The following DGKB variants were observed in gnomAD, a reference collection of about 807,000 sequenced individuals.
The protein encoded by DGKB is 90 kDa diacylglycerol kinase.
DGKB carries 67 observed loss-of-function variants against 114.3 expected under a neutral mutation model. The observed-to-expected ratio is 0.59, with a 90% CI of 0.48 to 0.72. The LOEUF is 0.72. Ranked by LOEUF, DGKB falls within the 30% of genes least tolerant of loss-of-function variation. The pLI, the probability that DGKB is intolerant of heterozygous loss-of-function variation, is 0.00. For missense variants in DGKB, 907 were observed against 975.2 expected, an observed-to-expected ratio of 0.93 and a Z score of 0.93; for synonymous variants, 398 against 323.1, an observed-to-expected ratio of 1.23 and a Z score of -2.49.
intron 20 of DGKB, among the ~76,000 whole-genome samples, chr7:14,526,728 A>G (rs1346286927): frequency 6.6e-6 from 1 of 152,152 alleles, no homozygotes; most frequent in African/African-American, 2.4e-5. Flanking sequence ...CATCAGACTG[A>G]TTTTGATCTG....
intron 21 of DGKB, among the ~76,000 whole-genome samples, chr7:14,370,862 T>A (rs1563040536): frequency 2.0e-5 from 3 of 152,252 alleles, no homozygotes; most frequent in Non-Finnish European, 4.4e-5. Context: ...TGTTGCCATG[T>A]TTGTCCATGG....
At chr7:14,364,902 G>T (rs933585004) in intron 21 of DGKB, among the ~76,000 whole-genome samples, 1 of 151,912 alleles carries the variant, frequency 6.6e-6, no homozygotes, top group Non-Finnish European at 1.5e-5. Context: ...CTAAGGAAAT[G>T]CACCAAAATT....
intron 21 of DGKB, among the ~76,000 whole-genome samples, chr7:14,405,958 TGCTACTATCTTTA>T (rs1003094035): frequency 1.3e-5 from 2 of 151,996 alleles, no homozygotes; most frequent in African/African-American, 4.8e-5. Context: ...AGCAGGGAGT[TGCTACTATCTTTA>T]GCTTGAAGGA....
At chr7:14,752,434 G>A (rs1451064885) in intron 4 of DGKB, among the ~76,000 whole-genome samples, 1 of 152,108 alleles carries the variant, frequency 6.6e-6, no homozygotes, top group African/African-American at 2.4e-5. Flanking sequence ...CCCCTGTGGA[G>A]TTATGAAAGC....
At chr7:14,621,530 A>G (rs201431205) in intron 14 of DGKB, 36 bp from the exon 15 acceptor site, 1 of 1,251,870 alleles carries the variant, frequency 8.0e-7, no homozygotes, top group Non-Finnish European at 1.1e-6. Context: ...AATAAAAATT[A>G]GGAAAATAAC....
intron 5 of DGKB, among the ~76,000 whole-genome samples, chr7:14,734,477 A>G (rs1030772254): frequency 7.2e-5 from 11 of 152,046 alleles, no homozygotes; most frequent in Admixed American, 2.0e-4. Flanking sequence ...TTAAGATATT[A>G]TTTGCTTTTC....
intron 23 of DGKB, among the ~76,000 whole-genome samples, chr7:14,259,772 A>G (rs1796492416): frequency 6.6e-6 from 1 of 152,074 alleles, no homozygotes. Context: ...TTTGCCTTGT[A>G]ACTATAGATC....
intron 4 of DGKB, among the ~76,000 whole-genome samples, chr7:14,746,317 G>T (rs1026525009): frequency 6.6e-6 from 1 of 152,118 alleles, no homozygotes; most frequent in Non-Finnish European, 1.5e-5. Flanking sequence ...CTGGGTGTCA[G>T]AGTGAGACTC....
intron 23 of DGKB, among the ~76,000 whole-genome samples, chr7:14,300,592 G>A (rs1032985140): frequency 2.6e-5 from 4 of 152,010 alleles, no homozygotes; most frequent in African/African-American, 9.7e-5. Flanking sequence ...AATACCTGCA[G>A]TCAAATTTAA....
At chr7:14,200,188 G>T (rs1307257174) in intron 23 of DGKB, among the ~76,000 whole-genome samples, 2 of 151,950 alleles carry the variant, frequency 1.3e-5, no homozygotes, top group African/African-American at 4.8e-5. Flanking sequence ...CTCTTATGTT[G>T]CCAGTCCTCT....
chr7:14,764,493 T>C (rs1056236243), intron 2 of DGKB, among the ~76,000 whole-genome samples: 2 of 151,900 alleles, frequency 1.3e-5, no homozygotes, highest in Non-Finnish European at 2.9e-5. Flanking sequence ...CGGGGATCTT[T>C]TAATATACAC....
intron 2 of DGKB, among the ~76,000 whole-genome samples, chr7:14,804,619 T>C (rs1842579214): frequency 6.6e-6 from 1 of 152,050 alleles, no homozygotes; most frequent in Non-Finnish European, 1.5e-5. Context: ...TCAACCTCCA[T>C]TCTCTTTACT....
intron 23 of DGKB, among the ~76,000 whole-genome samples, chr7:14,201,502 G>T (rs1482689552): frequency 6.6e-6 from 1 of 151,938 alleles, no homozygotes; most frequent in Non-Finnish European, 1.5e-5. Context: ...AGTTGCTTAG[G>T]AGGTAGAACT....
chr7:14,917,701 A>T (rs1233916679), intron 1 of DGKB, among the ~76,000 whole-genome samples: 1 of 152,016 alleles, frequency 6.6e-6, no homozygotes, highest in African/African-American at 2.4e-5. Flanking sequence ...TAAGGAAGAA[A>T]TAATACCAAT....
chr7:14,817,225 T>A (rs758002881), intron 2 of DGKB, among the ~76,000 whole-genome samples: 10 of 152,188 alleles, frequency 6.6e-5, no homozygotes, highest in Non-Finnish European at 2.9e-5. Flanking sequence ...TCTGACTAGA[T>A]GTTATTGAGA....
intron 20 of DGKB, among the ~76,000 whole-genome samples, chr7:14,542,342 T>A (rs999768356): frequency 7.2e-5 from 11 of 152,026 alleles, no homozygotes; most frequent in Admixed American, 7.2e-4. Context: ...TAGGATCATC[T>A]CCTTCTCCTC....
chr7:14,693,092 G>T (rs898360838), intron 9 of DGKB, among the ~76,000 whole-genome samples: 3 of 152,062 alleles, frequency 2.0e-5, no homozygotes, highest in African/African-American at 7.2e-5. Context: ...TCTTGAATCT[G>T]TAAAAATATT....
In DGKB at chr7:14,279,098, C is replaced by T. The variant is rs534848096; in HGVS notation, c.2122+59417G>A. ...CGCAAGGGGTCAGGGAGTTCCCTTT[C>T]CTAATCAAAGAAAGGGGTGATGGAC... On this transcript the variant is annotated intron_variant, in intron 23 of 25. Transcript: ENST00000402815. Among the ~76,000 whole-genome samples the T allele has an allele frequency of 3.0e-3, 463 of 152,296 alleles. 3 individuals are homozygous for T. Among genetic ancestry groups the T allele is most frequent in the African/African-American group, 0.011 (445 of 41,570 alleles).
chr7:14,642,044 T>A (rs2128876025), intron 13 of DGKB, among the ~76,000 whole-genome samples: 1 of 152,248 alleles, frequency 6.6e-6, no homozygotes, highest in African/African-American at 2.4e-5. Context: ...CTCTTTTCAA[T>A]TTGTTGCCAT....
Sources: gnomAD v4.1 joint callset for allele counts (sites outside exome capture counted in the v4.1 genomes callset) on GRCh38, gnomAD v4.1.1 for gene constraint, MANE v1.5 for transcripts, NCBI Gene and HGNC (gene_info 2026-07-23, HGNC 2026-07-21) for gene names.